The following MLIP variants were observed in gnomAD, a reference collection of about 807,000 sequenced individuals.
MLIP encodes the protein muscular LMNA interacting protein.
Under a neutral mutation model 84.8 loss-of-function variants are expected in MLIP, and 79 were observed. The observed-to-expected ratio is 0.93, with a 90% CI of 0.78 to 1.12. The LOEUF (loss-of-function observed/expected upper bound fraction) is 1.12. MLIP is among the 50% of genes most tolerant of loss of function. MLIP has a pLI of 0.00. For synonymous variants in MLIP, 504 were observed against 463.0 expected, an observed-to-expected ratio of 1.09 and a Z score of -1.14; for missense variants, 1,257 against 1,160.6, an observed-to-expected ratio of 1.08 and a Z score of -1.21.
At chr6:54,130,116 A>T (rs1256169057) in intron 3 of MLIP, among the ~76,000 whole-genome samples, 3 of 152,124 alleles carry the variant, frequency 2.0e-5, no homozygotes, top group African/African-American at 7.2e-5. Flanking sequence ...AATTTTTATG[A>T]ATCAGTGAGA....
intron 11 of MLIP, chr6:54,217,982 A>T: frequency 1.0e-6 from 1 of 985,474 alleles, no homozygotes. Flanking sequence ...TAGAGATGCC[A>T]TTAGTGTGTT....
rs73741432 is a variant in MLIP at position 54,105,646 on chromosome 6, G to A, written c.64-15801G>A. Among the ~76,000 whole-genome samples the A allele has an allele frequency of 6.2e-3, 945 of 152,184 alleles. 16 individuals carry two copies. Among genetic ancestry groups the A allele is most frequent in the African/African-American group, 0.021 (857 of 41,514 alleles). On this transcript the variant is annotated intron_variant, in intron 1 of 12. Transcript: ENST00000274897. Reference sequence around the variant, plus strand: ...AGTCCTTTGAAGAAAAATAACATGGGCTAAGACGGGTAGAGAGTGCTGGCA... The same window carrying A: ...AGTCCTTTGAAGAAAAATAACATGGACTAAGACGGGTAGAGAGTGCTGGCA...
chr6:54,224,943 C>T (rs940484808), intron 11 of MLIP, among the ~76,000 whole-genome samples: 5 of 152,108 alleles, frequency 3.3e-5, no homozygotes, highest in Admixed American at 6.6e-5. Flanking sequence ...AGTAGTATTT[C>T]GTTGTCTATA....
chr6:54,091,753 A>G (rs1457015926), intron 1 of MLIP, among the ~76,000 whole-genome samples: 1 of 152,124 alleles, frequency 6.6e-6, no homozygotes, highest in East Asian at 1.9e-4. Context: ...ATCCTTCTAA[A>G]CCCTAGGCCT....
intron 11 of MLIP, among the ~76,000 whole-genome samples, chr6:54,209,016 G>A (rs953557164): frequency 6.6e-6 from 1 of 152,142 alleles, no homozygotes; most frequent in African/African-American, 2.4e-5. Context: ...AAGGTAGAAT[G>A]CATACAGGAG....
chr6:54,156,557 T>C (rs1774050384), intron 5 of MLIP, among the ~76,000 whole-genome samples: 1 of 152,152 alleles, frequency 6.6e-6, no homozygotes, highest in South Asian at 2.1e-4. Flanking sequence ...GCTCAAATCT[T>C]TGATGGTAAA....
intron 1 of MLIP, 47 bp from the exon 2 acceptor site, chr6:54,121,400 T>C: frequency 6.3e-7 from 1 of 1,597,352 alleles, no homozygotes; most frequent in East Asian, 2.2e-5. Context: ...AAAGGCAAGA[T>C]AAACCTTTGA....
At chr6:54,061,257 G>A (rs1243468230) in intron 1 of MLIP, among the ~76,000 whole-genome samples, 1 of 152,166 alleles carries the variant, frequency 6.6e-6, no homozygotes, top group Non-Finnish European at 1.5e-5. Flanking sequence ...AGGAAATAGA[G>A]ATGGCCAAGT....
chr6:54,156,980 T>C (rs1158880917), intron 5 of MLIP, among the ~76,000 whole-genome samples: 2 of 152,126 alleles, frequency 1.3e-5, no homozygotes, highest in Non-Finnish European at 2.9e-5. Flanking sequence ...GGAGTTTGAT[T>C]TGGATCTTCA....
intron 12 of MLIP, among the ~76,000 whole-genome samples, chr6:54,234,264 C>T (rs898733590): frequency 1.1e-4 from 17 of 152,074 alleles, no homozygotes; most frequent in African/African-American, 3.6e-4. Flanking sequence ...TGAATGCCTC[C>T]GTTTACTCAT....
intron 11 of MLIP, among the ~76,000 whole-genome samples, chr6:54,213,704 T>G (rs1413347059): frequency 1.7e-4 from 1 of 5,768 alleles, no homozygotes; most frequent in African/African-American, 2.9e-4. Context: ...TGAGACTTTG[T>G]CTCAAAAAAA....
At chr6:54,169,935 T>C (rs1775603922) in intron 9 of MLIP, among the ~76,000 whole-genome samples, 1 of 151,794 alleles carries the variant, frequency 6.6e-6, no homozygotes, top group Non-Finnish European at 1.5e-5. Context: ...GATTTGTCCA[T>C]TTCTAATGGG....
intron 1 of MLIP, among the ~76,000 whole-genome samples, chr6:54,038,153 A>G (rs1007926460): frequency 3.9e-5 from 6 of 151,968 alleles, no homozygotes; most frequent in Admixed American, 3.3e-4. Context: ...ATGCCCTCTG[A>G]TAACTAATCC....
At chr6:54,244,063 T>G (rs1781915132) in intron 12 of MLIP, among the ~76,000 whole-genome samples, 1 of 152,304 alleles carries the variant, frequency 6.6e-6, no homozygotes, top group Admixed American at 6.5e-5. Context: ...AAAATTGTAC[T>G]GAGGTAGCCA....
chr6:54,229,729 C>T (rs1368389876), intron 11 of MLIP, among the ~76,000 whole-genome samples: 1 of 152,148 alleles, frequency 6.6e-6, no homozygotes, highest in African/African-American at 2.4e-5. Context: ...CATAGTATTC[C>T]ATGGTGTATA....
chr6:54,044,441 G>A (rs983773654), intron 1 of MLIP, among the ~76,000 whole-genome samples: 5 of 152,172 alleles, frequency 3.3e-5, no homozygotes, highest in African/African-American at 1.2e-4. Flanking sequence ...CTGTGTCCAA[G>A]ATCTCTCAAT....
chr6:54,241,931 G>A (rs1454845702), intron 12 of MLIP, among the ~76,000 whole-genome samples: 1 of 152,172 alleles, frequency 6.6e-6, no homozygotes, highest in Non-Finnish European at 1.5e-5. Context: ...TAAGGCAAGG[G>A]AGAATCATCT....
chr6:54,237,937 C>G (rs1172693957), intron 12 of MLIP, among the ~76,000 whole-genome samples: 4 of 152,094 alleles, frequency 2.6e-5, no homozygotes, highest in African/African-American at 9.7e-5. Context: ...ATTGCTGAAA[C>G]AAGAAAGGGT....
intron 12 of MLIP, among the ~76,000 whole-genome samples, chr6:54,254,476 T>G (rs1386740853): frequency 6.6e-6 from 1 of 151,990 alleles, no homozygotes; most frequent in Non-Finnish European, 1.5e-5. Flanking sequence ...CTGGCAAAAT[T>G]TTCATACTGT....
Sources: allele counts gnomAD v4.1 joint callset (sites outside exome capture counted in the v4.1 genomes callset), GRCh38; gene constraint gnomAD v4.1.1; transcripts MANE v1.5; gene names NCBI Gene and HGNC (gene_info 2026-07-23, HGNC 2026-07-21).